GRM8: variants seen among roughly 807,000 people sequenced by gnomAD.
The protein encoded by GRM8 is glutamate metabotropic receptor 8.
In GRM8, 47 loss-of-function variants were observed where a neutral mutation model predicts 87.2. That is an observed-to-expected ratio of 0.54 (90% confidence interval 0.43 to 0.69). The LOEUF (loss-of-function observed/expected upper bound fraction) is 0.69, where lower values mean the gene tolerates loss of function less well. GRM8 is among the 30% of genes least tolerant of loss of function. The pLI is 0.00. For synonymous variants in GRM8, 396 were observed against 404.5 expected (o/e 0.98, Z 0.25); for missense variants, 1,019 against 1,139.2 (o/e 0.89, Z 1.52).
intron 2 of GRM8, among the ~76,000 whole-genome samples, chr7:127,174,521 T>C (rs948640188): frequency 2.6e-5 from 4 of 152,334 alleles, no homozygotes; most frequent in Non-Finnish European, 4.4e-5. Flanking sequence ...TTAAAAACTA[T>C]TACATTCATT....
At chr7:127,155,901 A>T (rs1032258087) in intron 2 of GRM8, among the ~76,000 whole-genome samples, 1 of 152,170 alleles carries the variant, frequency 6.6e-6, no homozygotes, top group Non-Finnish European at 1.5e-5. Context: ...ATGGAAAACA[A>T]CAGAAGGCTA....
intron 8 of GRM8, among the ~76,000 whole-genome samples, chr7:126,599,960 A>C (rs1562995570): frequency 6.6e-6 from 1 of 152,100 alleles, no homozygotes; most frequent in Non-Finnish European, 1.5e-5. Context: ...ATATGAATGG[A>C]TGAATGGTGG....
rs1369890524 is a variant in GRM8 at position 126,533,276 on chromosome 7, G to A, written c.2106C>T (p.Leu702=). The A allele has an allele frequency of 6.2e-7, 1 of 1,613,638 alleles. No individual in the cohort carries two copies. Among genetic ancestry groups the A allele is most frequent in the Non-Finnish European group, 8.5e-7 (1 of 1,179,930 alleles). The part of the protein sequence containing the change: ...PASQLVITFS[L]ISVQLLGVFV... ...ACACTCCAAGGAGCTGGACGGAGAT[G>A]AGGCTGAAGGTGATCACCAGCTGAG... is the stretch of plus-strand genomic sequence containing the variant. The change falls in exon 9 of 11, where the codon CTC becomes CTT. Residue 702 remains leucine (L), a synonymous_variant. Transcript: ENST00000339582.
chr7:127,147,479 G>T (rs1324047451), intron 2 of GRM8, among the ~76,000 whole-genome samples: 2 of 151,976 alleles, frequency 1.3e-5, no homozygotes, highest in African/African-American at 4.8e-5. Context: ...CTAATAAGCT[G>T]CAGTTTTCTC....
intron 8 of GRM8, among the ~76,000 whole-genome samples, chr7:126,600,393 T>C (rs1268590866): frequency 6.6e-6 from 1 of 152,132 alleles, no homozygotes; most frequent in Non-Finnish European, 1.5e-5. Flanking sequence ...GGCTTCTGAC[T>C]AGGGGAAATG....
intron 6 of GRM8, among the ~76,000 whole-genome samples, chr7:126,783,453 C>G (rs755998741): frequency 6.6e-6 from 1 of 152,148 alleles, no homozygotes; most frequent in Non-Finnish European, 1.5e-5. Flanking sequence ...CATTGTCAAA[C>G]AAACTAAATC....
At chr7:127,209,700 C>T (rs977460248) in intron 2 of GRM8, among the ~76,000 whole-genome samples, 1 of 152,202 alleles carries the variant, frequency 6.6e-6, no homozygotes, top group Admixed American at 6.5e-5. Context: ...CCCTCCCCAG[C>T]TAGCCTGATG....
chr7:126,964,393 A>T (rs752611188), intron 3 of GRM8, among the ~76,000 whole-genome samples: 48 of 152,192 alleles, frequency 3.2e-4, no homozygotes, highest in Admixed American at 5.2e-4. Flanking sequence ...AATGGGAAAA[A>T]ATTTTTGCAA....
At chr7:126,738,987 A>G (rs1252274236) in intron 7 of GRM8, among the ~76,000 whole-genome samples, 1 of 151,986 alleles carries the variant, frequency 6.6e-6, no homozygotes, top group Non-Finnish European at 1.5e-5. Flanking sequence ...AGCCTTCAGC[A>G]ACGTGCAAAT....
chr7:126,920,483 G>A (rs1019893140), intron 3 of GRM8, among the ~76,000 whole-genome samples: 2 of 152,140 alleles, frequency 1.3e-5, no homozygotes, highest in African/African-American at 4.8e-5. Flanking sequence ...AAAAAGCTCA[G>A]TGAGAGCCCA....
chr7:126,757,989 C>G (rs1364991261), intron 7 of GRM8, among the ~76,000 whole-genome samples: 4 of 152,056 alleles, frequency 2.6e-5, no homozygotes, highest in Non-Finnish European at 4.4e-5. Context: ...AAAGGGCAAA[C>G]TAAAAAGTCT....
intron 3 of GRM8, among the ~76,000 whole-genome samples, chr7:126,996,413 CAAGACA>C (rs539248841): frequency 2.8e-4 from 43 of 151,880 alleles, no homozygotes; most frequent in Middle Eastern, 3.4e-3. Context: ...AACAGTACAA[CAAGACA>C]AAGAAAAACA....
rs180995494 is a variant in GRM8 at position 126,764,853 on chromosome 7, G to A, written c.1357+5012C>T. On this transcript the variant is annotated intron_variant, in intron 7 of 10. Coordinates refer to ENST00000339582, the MANE Select transcript of GRM8 (RefSeq NM_000845.3). Reference sequence around the variant, plus strand: ...CCTTCCTGATTCCTGTCTCCCTCAGGCTAACACAAACTCATCCACCTAAAG... The same window carrying A: ...CCTTCCTGATTCCTGTCTCCCTCAGACTAACACAAACTCATCCACCTAAAG... Among the ~76,000 whole-genome samples, 423 of 152,028 alleles carry A rather than the reference G, an allele frequency of 2.8e-3. 1 individual carries two copies. The highest frequency in any genetic ancestry group is 4.4e-3 in the Non-Finnish European group (302 of 67,942).
At chr7:126,481,342 T>A (rs1195965276) in intron 9 of GRM8, among the ~76,000 whole-genome samples, 1 of 151,958 alleles carries the variant, frequency 6.6e-6, no homozygotes, top group Non-Finnish European at 1.5e-5. Flanking sequence ...GTTACAAAAA[T>A]CTCCTCCAAA....
At chr7:126,992,794 C>A (rs1403624477) in intron 3 of GRM8, among the ~76,000 whole-genome samples, 2 of 150,590 alleles carry the variant, frequency 1.3e-5, no homozygotes, top group Non-Finnish European at 3.0e-5. Flanking sequence ...GAGAGCGTGC[C>A]ATCTCTCTCT....
intron 3 of GRM8, among the ~76,000 whole-genome samples, chr7:127,022,086 A>G (rs923124433): frequency 2.6e-5 from 4 of 152,188 alleles, no homozygotes; most frequent in African/African-American, 9.6e-5. Flanking sequence ...CAGCCCAAAC[A>G]TCATAGTAAG....
intron 7 of GRM8, among the ~76,000 whole-genome samples, chr7:126,620,456 C>T (rs1420386253): frequency 6.6e-6 from 1 of 152,058 alleles, no homozygotes; most frequent in Non-Finnish European, 1.5e-5. Context: ...TATTCGTAGG[C>T]ATCTCAAGCA....
At chr7:126,977,334 A>G (rs1563373454) in intron 3 of GRM8, among the ~76,000 whole-genome samples, 3 of 152,226 alleles carry the variant, frequency 2.0e-5, no homozygotes, top group Non-Finnish European at 4.4e-5. Context: ...TTGTGCTACC[A>G]TAAAATGCAT....
At chr7:126,467,933 A>T (rs574125438) in intron 9 of GRM8, among the ~76,000 whole-genome samples, 60 of 152,154 alleles carry the variant, frequency 3.9e-4, no homozygotes, top group Admixed American at 1.0e-3. Context: ...CTCATGGAAA[A>T]ATTTTTTAAA....
Sources: gnomAD v4.1 joint callset for allele counts (sites outside exome capture counted in the v4.1 genomes callset) on GRCh38, gnomAD v4.1.1 for gene constraint, MANE v1.5 for transcripts, NCBI Gene and HGNC (gene_info 2026-07-23, HGNC 2026-07-21) for gene names.